Variants in SLC6A9 observed in about 807,000 individuals in gnomAD.
The protein encoded by SLC6A9 is solute carrier family 6 member 9.
In SLC6A9, 31 loss-of-function variants were observed where a neutral mutation model predicts 70.9. That is an observed-to-expected ratio of 0.44 (90% CI 0.33 to 0.59). The LOEUF (loss-of-function observed/expected upper bound fraction) is 0.59. SLC6A9 is among the 20% of genes least tolerant of loss of function. The pLI is 0.04. For synonymous variants in SLC6A9, 310 were observed against 341.3 expected, an observed-to-expected ratio of 0.91 and a Z score of 1.01; for missense variants, 631 against 845.2, an observed-to-expected ratio of 0.75 and a Z score of 3.14.
chr1:44,010,467 G>GT, intron 3 of SLC6A9: 1 of 239,164 alleles, frequency 4.2e-6, no homozygotes, highest in South Asian at 7.1e-5. Flanking sequence ...GGGGGGGGGG[G>GT]GGGGTTAGGT....
Position 44,002,972 on chromosome 1 carries a change from T to C in SLC6A9, c.604A>G (p.Lys202Glu). ...SEEYWRLYVL[K>E]LSDDIGNFGE... ...AAGTTCCCAATGTCATCTGACAGCTTCAGCACGTACAGCCTGGGAAGGGGA... is the reference window on the plus strand; with the variant it reads ...AAGTTCCCAATGTCATCTGACAGCTCCAGCACGTACAGCCTGGGAAGGGGA... The change falls in exon 6 of 14, where the codon AAG becomes GAG. Residue 202 changes from lysine (K) to glutamate (E), a missense_variant. Physicochemically the swap from Lys to Glu is moderately conservative, Grantham distance 56. Transcript: ENST00000372310. The surrounding 1 kb of genome is among the most constrained non-coding windows in gnomAD (Gnocchi z 5.5). 1 of 1,614,036 alleles carries C rather than the reference T, an allele frequency of 6.2e-7. No individual in the cohort carries two copies. Among genetic ancestry groups the C allele is most frequent in the South Asian group, 1.1e-5 (1 of 91,066 alleles).
In SLC6A9 at chr1:44,002,666, T is replaced by C. The variant is rs772356900; in HGVS notation, c.724-20A>G. The stretch of plus-strand genomic sequence containing the variant: ...CACCACCTGGCACAAGAGGGCTCCA[T>C]GGACTCTTCTGGGCTCTCCCCTCCC... On this transcript the variant is annotated intron_variant, in intron 6 of 13. Coordinates refer to ENST00000372310, the MANE Select transcript of SLC6A9 (RefSeq NM_001024845.3). This position sits in a 1 kb window ranked among gnomAD's most constrained non-coding sequence, Gnocchi z 5.5. 1 of 1,613,522 alleles carries C rather than the reference T, an allele frequency of 6.2e-7. No individual in the cohort carries two copies.
At chr1:44,010,284 C>G in intron 3 of SLC6A9, 188 bp from the exon 4 acceptor site, 1 of 582,026 alleles carries the variant, frequency 1.7e-6, no homozygotes, top group East Asian at 2.9e-5. Flanking sequence ...GACAGAGGCT[C>G]TCAGGAATTC....
In SLC6A9 at chr1:43,997,928, A is replaced by G; in HGVS notation, c.1634T>C (p.Leu545Pro). 1.2e-6 allele frequency: 2 copies of G among 1,614,210 alleles called. No individual in the cohort carries two copies. Among genetic ancestry groups the G allele is most frequent in the East Asian group, 4.5e-5 (2 of 44,878 alleles). The change falls in exon 13 of 14, where the codon CTG becomes CCG. Residue 545 changes from leucine to proline, a missense_variant. Physicochemically the swap from Leu to Pro is moderately conservative, Grantham distance 98. Coordinates refer to ENST00000372310, the MANE Select transcript of SLC6A9 (RefSeq NM_001024845.3). This position sits in a 1 kb window ranked among gnomAD's most constrained non-coding sequence, Gnocchi z 4.4. ...WAVAIGFLMA[L>P]SSVLCIPLYA... ...GAGGGGGATGCAGAGGACGGAGGAC[A>G]GAGCCATGAGGAAGCCAATGGCCAC...
chr1:44,020,921 C>T (rs2154307240), intron 2 of SLC6A9, among the ~76,000 whole-genome samples: 1 of 152,348 alleles, frequency 6.6e-6, no homozygotes, highest in South Asian at 2.1e-4. Context: ...CATTGTAAGG[C>T]TTCCCAGTGG....
At chr1:44,000,062 C>T (rs1042774523) in intron 12 of SLC6A9, among the ~76,000 whole-genome samples, 1 of 152,154 alleles carries the variant, frequency 6.6e-6, no homozygotes, top group African/African-American at 2.4e-5. Context: ...AGCTGTGTGA[C>T]CATGGGCCAA....
intron 2 of SLC6A9, among the ~76,000 whole-genome samples, chr1:44,020,235 C>A (rs565285123): frequency 1.5e-4 from 23 of 152,290 alleles, no homozygotes; most frequent in African/African-American, 4.8e-4. Context: ...TGTGTGAGAA[C>A]CTGCATCAGC....
chr1:44,023,408 C>T (rs531724708), intron 2 of SLC6A9, among the ~76,000 whole-genome samples: 76 of 152,162 alleles, frequency 5.0e-4, no homozygotes, highest in Non-Finnish European at 9.6e-4. Flanking sequence ...TTTGGAAGGC[C>T]GAGGCGTGTG....
In SLC6A9 at chr1:44,002,856, C is replaced by T. The variant is rs150606508; in HGVS notation, c.720G>A (p.Gly240=). 3.2e-5 allele frequency: 52 copies of T among 1,613,958 alleles called. No individual in the cohort carries two copies. Among genetic ancestry groups the T allele is most frequent in the Non-Finnish European group, 4.2e-5 (50 of 1,180,014 alleles). Residue 240 remains glycine (G), a synonymous_variant, in exon 6 of 14, where the codon GGG becomes GGA. Coordinates refer to ENST00000372310, the MANE Select transcript of SLC6A9 (RefSeq NM_001024845.3). This position sits in a 1 kb window ranked among gnomAD's most constrained non-coding sequence, Gnocchi z 5.5. Reference sequence around the variant, plus strand: ...CCTGCTGGGGAGGGGTACTTGCTTTCCCTGAAGACTTGACCCCTCGGATGA... The same window carrying T: ...CCTGCTGGGGAGGGGTACTTGCTTTTCCTGAAGACTTGACCCCTCGGATGA... ...LCLIRGVKSS[G]KVVYFTATFP... is the part of the protein sequence containing the mutation.
At chr1:44,008,323 C>T in intron 5 of SLC6A9, 30 bp downstream of exon 5, 2 of 1,609,654 alleles carry the variant, frequency 1.2e-6, no homozygotes, top group Non-Finnish European at 1.7e-6. Flanking sequence ...CACCAGGTTC[C>T]CCCCACCCCA....
chr1:44,000,629 G>T, intron 12 of SLC6A9, 138 bp downstream of exon 12: 1 of 625,936 alleles, frequency 1.6e-6, no homozygotes, highest in Non-Finnish European at 2.8e-6. Flanking sequence ...ACCTCCCTCA[G>T]CCTCCCAAAG....
intron 2 of SLC6A9, among the ~76,000 whole-genome samples, chr1:44,022,277 G>C (rs1231200944): frequency 1.3e-5 from 2 of 152,168 alleles, no homozygotes; most frequent in African/African-American, 4.8e-5. Context: ...CTCCAGAGAA[G>C]AAAGAGCAAC....
chr1:43,999,609 G>A (rs531452426), intron 12 of SLC6A9, among the ~76,000 whole-genome samples: 7 of 152,200 alleles, frequency 4.6e-5, no homozygotes, highest in South Asian at 2.1e-4. Flanking sequence ...TGAGACTTCC[G>A]TTCCTCCTGT....
intron 12 of SLC6A9, among the ~76,000 whole-genome samples, chr1:43,998,781 C>T (rs747182359): frequency 1.3e-5 from 2 of 152,124 alleles, no homozygotes; most frequent in South Asian, 2.1e-4. Context: ...TGTCTATGGC[C>T]GTGGAGACAG....
chr1:44,023,200 C>T (rs530444653), intron 2 of SLC6A9, among the ~76,000 whole-genome samples: 1 of 152,310 alleles, frequency 6.6e-6, no homozygotes, highest in East Asian at 1.9e-4. Context: ...TCCCCACCCC[C>T]GGCAGCCGTC....
intron 2 of SLC6A9, among the ~76,000 whole-genome samples, chr1:44,017,882 C>T (rs2086801592): frequency 1.3e-5 from 2 of 152,206 alleles, no homozygotes; most frequent in South Asian, 2.1e-4. Context: ...GGATTTGCAC[C>T]GTGATGCCCA....
At chr1:44,024,141 G>T in intron 2 of SLC6A9, 107 bp downstream of exon 2, 1 of 1,156,448 alleles carries the variant, frequency 8.6e-7, no homozygotes, top group Admixed American at 1.7e-5. Context: ...GCACTCAGGA[G>T]CCCTGGCAGT....
rs2086825305 is a variant in SLC6A9, at chr1:44,018,687, C to A, written c.30+5561G>T. Among the ~76,000 whole-genome samples, 1 of 151,520 alleles carries A rather than the reference C, an allele frequency of 6.6e-6. No homozygotes were observed. The highest frequency in any genetic ancestry group is 2.4e-5 in the African/African-American group (1 of 41,252). On this transcript the variant is annotated intron_variant, in intron 2 of 13. Coordinates refer to ENST00000372310, the MANE Select transcript of SLC6A9 (RefSeq NM_001024845.3). The surrounding 1 kb of genome is among the most constrained non-coding windows in gnomAD (Gnocchi z 4.2). Reference sequence around the variant, plus strand: ...GCACAGTGGCTTAGGCCTGTAATGCCAGTGCTTTGGGAAGCCAAGGCAGGA... The same window carrying A: ...GCACAGTGGCTTAGGCCTGTAATGCAAGTGCTTTGGGAAGCCAAGGCAGGA...
At chr1:44,020,018 C>T (rs1317158036) in intron 2 of SLC6A9, among the ~76,000 whole-genome samples, 2 of 152,160 alleles carry the variant, frequency 1.3e-5, no homozygotes, top group Non-Finnish European at 2.9e-5. Context: ...TGGAACTTTT[C>T]CTCTGGATCT....
Sources: allele counts gnomAD v4.1 joint callset (sites outside exome capture counted in the v4.1 genomes callset), GRCh38; gene constraint gnomAD v4.1.1; non-coding constraint Gnocchi (gnomAD v3.1); transcripts MANE v1.5; gene names NCBI Gene and HGNC (gene_info 2026-07-23, HGNC 2026-07-21).